Variants in TBCA observed in about 807,000 individuals in gnomAD.
TBCA encodes the protein tubulin folding cofactor A.
TBCA carries 6 observed loss-of-function variants against 15.8 expected under a neutral mutation model. The observed-to-expected ratio is 0.38, with a 90% confidence interval of 0.21 to 0.75. TBCA has a LOEUF of 0.75. TBCA is among the 30% of genes least tolerant of loss of function. TBCA has a pLI of 0.46. For missense variants in TBCA, 90 were observed against 131.2 expected, an observed-to-expected ratio of 0.69 and a Z score of 1.53; for synonymous variants, 32 against 42.3, an observed-to-expected ratio of 0.76 and a Z score of 0.94.
intron 1 of TBCA, among the ~76,000 whole-genome samples, chr5:77,716,382 G>A (rs1323555433): frequency 2.6e-5 from 4 of 152,170 alleles, no homozygotes; most frequent in Admixed American, 2.6e-4. Context: ...AAGTTCGACA[G>A]ACAGTTATGA....
chr5:77,693,509 GT>G, intron 2 of TBCA, 157 bp from the exon 3 acceptor site: 1 of 962,244 alleles, frequency 1.0e-6, no homozygotes, highest in Non-Finnish European at 1.5e-6. Flanking sequence ...TTTATTAGAA[GT>G]TAGAAAGGCC....
chr5:77,771,452 T>C (rs1478947033), intron 1 of TBCA, among the ~76,000 whole-genome samples: 3 of 152,176 alleles, frequency 2.0e-5, no homozygotes, highest in African/African-American at 7.2e-5. Context: ...CTCTTGAAAC[T>C]CACTTCCCAG....
At chr5:77,753,894 G>C (rs1164936692) in intron 1 of TBCA, among the ~76,000 whole-genome samples, 5 of 152,060 alleles carry the variant, frequency 3.3e-5, no homozygotes, top group Non-Finnish European at 5.9e-5. Flanking sequence ...GAGTAGCTGG[G>C]ATTACAGGCA....
chr5:77,728,810 G>C (rs1348876587), intron 1 of TBCA, among the ~76,000 whole-genome samples: 1 of 152,018 alleles, frequency 6.6e-6, no homozygotes, highest in East Asian at 1.9e-4. Flanking sequence ...TCTCATAAAA[G>C]AGAGATGAGG....
rs374022409 is a variant in TBCA at position 77,731,525 on chromosome 5, T to C, written c.54-23178A>G. On this transcript the variant is annotated intron_variant, in intron 1 of 3. Transcript: ENST00000380377. ...AGTGTCATCCAATCCTATTTTTTCT[T>C]TGCAAGTAAATTTCCTGATTATATT... Among the ~76,000 whole-genome samples the C allele has an allele frequency of 5.9e-5, 9 of 152,322 alleles. No homozygotes were observed. The East Asian group carries it at 1.5e-3, about 26-fold the overall frequency.
chr5:77,747,841 G>C (rs1054158424), intron 1 of TBCA, among the ~76,000 whole-genome samples: 3 of 152,062 alleles, frequency 2.0e-5, no homozygotes, highest in Admixed American at 6.5e-5. Context: ...ATTGAAAAAT[G>C]TTTTCTCCTT....
chr5:77,749,518 ATTTC>A (rs1461505430), intron 1 of TBCA, among the ~76,000 whole-genome samples: 1 of 152,188 alleles, frequency 6.6e-6, no homozygotes, highest in African/African-American at 2.4e-5. Context: ...CTTTGTTTTA[ATTTC>A]TTTGATATTT....
chr5:77,754,287 T>A (rs1032785069), intron 1 of TBCA, among the ~76,000 whole-genome samples: 1 of 152,214 alleles, frequency 6.6e-6, no homozygotes, highest in Non-Finnish European at 1.5e-5. Flanking sequence ...TTTCTTTACA[T>A]CTCTCTTACT....
In TBCA at chr5:77,776,274, C is replaced by A; in HGVS notation, c.-17G>T. 1 of 1,573,990 alleles carries A rather than the reference C, an allele frequency of 6.4e-7. No homozygotes were observed. The highest frequency in any genetic ancestry group is 2.4e-5 in the East Asian group (1 of 42,548). On this transcript the variant is annotated 5_prime_UTR_variant, in exon 1 of 4. Coordinates refer to ENST00000380377, the MANE Select transcript of TBCA (RefSeq NM_004607.3). ...ATCGGCCATGGTCCCTCGAGCGCCG[C>A]GAGAAGGAGGGGCGGAGAGCCGGGG...
chr5:77,717,967 T>C (rs1746440409), intron 1 of TBCA, among the ~76,000 whole-genome samples: 1 of 144,546 alleles, frequency 6.9e-6, no homozygotes, highest in Non-Finnish European at 1.5e-5. Flanking sequence ...CTGTCTCTAC[T>C]AAAAAATACA....
At chr5:77,747,596 T>C (rs983497976) in intron 1 of TBCA, among the ~76,000 whole-genome samples, 2 of 152,112 alleles carry the variant, frequency 1.3e-5, no homozygotes, top group African/African-American at 4.8e-5. Flanking sequence ...ATTAACAGCT[T>C]AAAACAGGGC....
intron 1 of TBCA, among the ~76,000 whole-genome samples, chr5:77,755,679 T>C (rs1747457262): frequency 1.3e-5 from 2 of 151,834 alleles, no homozygotes; most frequent in Non-Finnish European, 2.9e-5. Context: ...GCTCTTCCAT[T>C]TATATAACCA....
rs911992699 is a variant in TBCA at position 77,692,136 on chromosome 5, C to G, written c.247-638G>C. On this transcript the variant is annotated intron_variant, in intron 3 of 3. Transcript: ENST00000380377. ...TAACAGACAAATGAAATAATATTAT[C>G]TAAAGTACACAGGAAATTTTGTTTG... 2.7e-5 allele frequency: 27 copies of G among 983,890 alleles called. No individual in the cohort carries two copies. The African/African-American group carries it at 4.6e-4, about 17-fold the overall frequency. 60.9% of individuals were successfully genotyped at this position (983,890 alleles called of 1,614,324 possible).
At chr5:77,720,812 C>T (rs923330530) in intron 1 of TBCA, among the ~76,000 whole-genome samples, 2 of 152,162 alleles carry the variant, frequency 1.3e-5, no homozygotes, top group Non-Finnish European at 2.9e-5. Flanking sequence ...CTTGGATGAA[C>T]TGCATCTGTA....
intron 1 of TBCA, among the ~76,000 whole-genome samples, chr5:77,768,295 T>C (rs1747831523): frequency 6.6e-6 from 1 of 152,200 alleles, no homozygotes; most frequent in South Asian, 2.1e-4. Flanking sequence ...ATGATTACCT[T>C]ATTTAATTAT....
At chr5:77,770,804 T>C (rs1439623416) in intron 1 of TBCA, among the ~76,000 whole-genome samples, 1 of 151,174 alleles carries the variant, frequency 6.6e-6, no homozygotes, top group Non-Finnish European at 1.5e-5. Context: ...GTGAGTCACA[T>C]GTGAACAAAG....
intron 2 of TBCA, among the ~76,000 whole-genome samples, chr5:77,705,273 T>C (rs1230827799): frequency 1.4e-5 from 2 of 143,302 alleles, no homozygotes; most frequent in African/African-American, 2.4e-5. Context: ...AAATACATTA[T>C]TGATGGTGAA....
chr5:77,722,265 T>G (rs1273419053), intron 1 of TBCA, among the ~76,000 whole-genome samples: 6 of 152,080 alleles, frequency 3.9e-5, no homozygotes, highest in Non-Finnish European at 7.4e-5. Context: ...ACAGGAGCTG[T>G]AATTACAGCC....
chr5:77,768,606 T>C (rs975810809), intron 1 of TBCA, among the ~76,000 whole-genome samples: 6 of 152,208 alleles, frequency 3.9e-5, no homozygotes, highest in African/African-American at 1.4e-4. Context: ...CCTTCATCTG[T>C]GTATTGCAAA....
Sources: gnomAD v4.1 joint callset for allele counts (sites outside exome capture counted in the v4.1 genomes callset) on GRCh38, gnomAD v4.1.1 for gene constraint, MANE v1.5 for transcripts, NCBI Gene and HGNC (gene_info 2026-07-23, HGNC 2026-07-21) for gene names.